ROBO1: variants seen among roughly 807,000 people sequenced by gnomAD.
ROBO1 encodes the protein roundabout guidance receptor 1.
In ROBO1, 149 loss-of-function variants were observed where a neutral mutation model predicts 195.9. The observed-to-expected ratio is 0.76, with a 90% CI of 0.67 to 0.87. The LOEUF (loss-of-function observed/expected upper bound fraction) is 0.87, where lower values mean the gene tolerates loss of function less well. Ranked by LOEUF, ROBO1 falls within the 40% of genes least tolerant of loss-of-function variation. ROBO1 has a pLI of 0.00. For synonymous variants in ROBO1, 816 were observed against 733.2 expected (o/e 1.11, Z -1.82); for missense variants, 1,933 against 2,068.3 (o/e 0.93, Z 1.27).
intron 5 of ROBO1, among the ~76,000 whole-genome samples, chr3:78,736,072 C>A (rs1030208880): frequency 5.3e-5 from 8 of 151,006 alleles, no homozygotes; most frequent in Admixed American, 1.3e-4. Context: ...ATTTTTAAGC[C>A]AAAAAAAATC....
chr3:79,296,686 A>T (rs1282264739), intron 2 of ROBO1, among the ~76,000 whole-genome samples: 1 of 152,192 alleles, frequency 6.6e-6, no homozygotes, highest in Non-Finnish European at 1.5e-5. Context: ...ATGGAATTTC[A>T]GTTATACTAA....
At chr3:79,091,077 G>A (rs1412731934) in intron 3 of ROBO1, among the ~76,000 whole-genome samples, 3 of 152,034 alleles carry the variant, frequency 2.0e-5, no homozygotes, top group Admixed American at 6.6e-5. Flanking sequence ...TTCAGATTTC[G>A]AGTACAGTAT....
chr3:78,634,084 C>T (rs1705342695), intron 23 of ROBO1, 42 bp from the exon 24 acceptor site: 1 of 1,324,104 alleles, frequency 7.6e-7, no homozygotes, highest in Non-Finnish European at 1.1e-6. Flanking sequence ...TTTATTTTCT[C>T]TTCATGAGCG....
rs1201708556 is a variant in ROBO1 at position 78,598,116 on chromosome 3, C to CTTGT, written c.*793_*796dup. 2 of 152,668 alleles carry CTTGT rather than the reference C, an allele frequency of 1.3e-5. No individual in the cohort carries two copies. The highest frequency in any genetic ancestry group is 3.4e-3 in the Middle Eastern group (1 of 294). 9.5% of individuals were successfully genotyped at this position (152,668 alleles called of 1,614,324 possible). On this transcript the variant is annotated 3_prime_UTR_variant, in exon 31 of 31. Transcript: ENST00000464233. ...CTCAATTGGTCATTAAAAACATCCA[C>CTTGT]TTGTTTGTAATACGTATTTATAATT...
In ROBO1 at chr3:78,886,205, C is replaced by T. The variant is rs186051609; in HGVS notation, c.499+52396G>A. ...TATCTTTTAGGAGGAAGAAACAATA[C>T]GAAAATAAGCTGATTAAAAGAATAA... On this transcript the variant is annotated intron_variant, in intron 4 of 30. Coordinates refer to ENST00000464233, the MANE Select transcript of ROBO1 (RefSeq NM_002941.4). Among the ~76,000 whole-genome samples, 162 of 151,740 alleles carry T rather than the reference C, an allele frequency of 1.1e-3. 1 individual carries two copies. Among genetic ancestry groups the T allele is most frequent in the Non-Finnish European group, 1.7e-3 (115 of 67,900 alleles).
intron 2 of ROBO1, among the ~76,000 whole-genome samples, chr3:79,396,092 C>T (rs951276573): frequency 1.3e-5 from 2 of 152,066 alleles, no homozygotes; most frequent in Non-Finnish European, 2.9e-5. Context: ...CTTATAAAAG[C>T]TCTCAAGTAT....
chr3:79,005,767 C>T (rs1056605666), intron 3 of ROBO1, among the ~76,000 whole-genome samples: 1 of 152,034 alleles, frequency 6.6e-6, no homozygotes, highest in African/African-American at 2.4e-5. Context: ...TTCAGAGATG[C>T]TTTCTTTTCA....
At chr3:79,558,312 C>A (rs774793633) in intron 2 of ROBO1, among the ~76,000 whole-genome samples, 1 of 152,178 alleles carries the variant, frequency 6.6e-6, no homozygotes, top group African/African-American at 2.4e-5. Flanking sequence ...TGAAGGAACA[C>A]TCTTATGATA....
chr3:79,382,645 CT>C (rs2036612077), intron 2 of ROBO1, among the ~76,000 whole-genome samples: 1 of 152,042 alleles, frequency 6.6e-6, no homozygotes, highest in African/African-American at 2.4e-5. Flanking sequence ...AATAATGGTA[CT>C]TTTTGTAACA....
intron 2 of ROBO1, among the ~76,000 whole-genome samples, chr3:79,230,385 G>A (rs187935927): frequency 6.6e-6 from 1 of 152,132 alleles, no homozygotes; most frequent in Admixed American, 6.6e-5. Context: ...CTAGTAGATT[G>A]CTGCGGTGAT....
intron 3 of ROBO1, among the ~76,000 whole-genome samples, chr3:79,037,029 T>G (rs369804646): frequency 6.6e-6 from 1 of 152,066 alleles, no homozygotes; most frequent in African/African-American, 2.4e-5. Context: ...TTCTTTCAGT[T>G]CTCATGGGAA....
At chr3:79,447,719 T>C (rs2039310834) in intron 2 of ROBO1, among the ~76,000 whole-genome samples, 1 of 152,190 alleles carries the variant, frequency 6.6e-6, no homozygotes, top group Non-Finnish European at 1.5e-5. Context: ...TCCATAAGTG[T>C]ACTAATGTTA....
At chr3:78,697,187 G>T (rs2081319421) in intron 8 of ROBO1, among the ~76,000 whole-genome samples, 1 of 149,732 alleles carries the variant, frequency 6.7e-6, no homozygotes, top group Non-Finnish European at 1.5e-5. Flanking sequence ...ACATTGCTCA[G>T]ACAGTAATCT....
At chr3:79,177,429 A>G (rs1167972573) in intron 2 of ROBO1, among the ~76,000 whole-genome samples, 1 of 152,166 alleles carries the variant, frequency 6.6e-6, no homozygotes, top group Non-Finnish European at 1.5e-5. Flanking sequence ...CTACAAGGTC[A>G]AGGGGCTAGG....
chr3:78,832,550 T>G (rs540374801), intron 4 of ROBO1, among the ~76,000 whole-genome samples: 2 of 152,236 alleles, frequency 1.3e-5, no homozygotes, highest in South Asian at 4.1e-4. Flanking sequence ...CAACTAACAT[T>G]GTAGAGCATG....
intron 2 of ROBO1, among the ~76,000 whole-genome samples, chr3:79,502,454 G>A (rs1940136841): frequency 6.6e-6 from 1 of 152,124 alleles, no homozygotes; most frequent in Non-Finnish European, 1.5e-5. Context: ...CCGCGGGGCA[G>A]GGCTCGGGAC....
intron 4 of ROBO1, among the ~76,000 whole-genome samples, chr3:78,905,100 C>T (rs1269101720): frequency 2.0e-5 from 3 of 152,052 alleles, no homozygotes; most frequent in Non-Finnish European, 2.9e-5. Flanking sequence ...CATAAAGATG[C>T]TGCAGGAATA....
chr3:79,174,868 A>G (rs2108711416), intron 2 of ROBO1, among the ~76,000 whole-genome samples: 1 of 152,074 alleles, frequency 6.6e-6, no homozygotes, highest in African/African-American at 2.4e-5. Flanking sequence ...AAAAAAAAAA[A>G]AAGAAACCTT....
At chr3:79,715,621 T>C (rs1410629137) in intron 1 of ROBO1, among the ~76,000 whole-genome samples, 1 of 152,170 alleles carries the variant, frequency 6.6e-6, no homozygotes, top group Non-Finnish European at 1.5e-5. Context: ...TGGTGATATG[T>C]ACTTTATTGT....
Sources: allele counts gnomAD v4.1 joint callset (sites outside exome capture counted in the v4.1 genomes callset), GRCh38; gene constraint gnomAD v4.1.1; transcripts MANE v1.5; gene names NCBI Gene and HGNC (gene_info 2026-07-23, HGNC 2026-07-21).